The following DPP6 variants were observed in gnomAD, a reference collection of about 807,000 sequenced individuals.
DPP6 encodes dipeptidyl peptidase like 6.
In DPP6, 69 loss-of-function variants were observed where a neutral mutation model predicts 122.6. That is an observed-to-expected ratio of 0.56 (90% CI 0.46 to 0.69). The LOEUF is 0.69. Ranked by LOEUF, DPP6 falls within the 30% of genes least tolerant of loss-of-function variation. DPP6 has a pLI of 0.00. For synonymous variants in DPP6, 418 were observed against 433.1 expected (o/e 0.97, Z 0.43); for missense variants, 928 against 1,116.9 (o/e 0.83, Z 2.41).
chr7:154,544,925 C>T (rs1165974141), intron 4 of DPP6, among the ~76,000 whole-genome samples: 1 of 152,156 alleles, frequency 6.6e-6, no homozygotes, highest in Non-Finnish European at 1.5e-5. Context: ...ATGTGGGCGG[C>T]TGCGTGGGTC....
chr7:154,413,116 T>C lies in DPP6; in HGVS notation c.244-33098T>C, dbSNP rs147307341. Among the ~76,000 whole-genome samples the C allele has an allele frequency of 7.3e-4, 111 of 152,252 alleles. 4 individuals are homozygous for C. The East Asian group carries it at 0.021, about 28-fold the overall frequency. On this transcript the variant is annotated intron_variant, in intron 1 of 25. Transcript: ENST00000377770. ...CCACTGACCTCCAGGCTTAGGAAAG[T>C]GAGAGACACGCTGCCCTAAAGTGGT...
chr7:154,364,545 C>T (rs9648766), intron 1 of DPP6, among the ~76,000 whole-genome samples: 76,688 of 151,600 alleles, frequency 0.51, 22,497 homozygotes, highest in East Asian at 0.72. Flanking sequence ...AGGGCAGGGG[C>T]GGTGGGGTGG....
intron 7 of DPP6, among the ~76,000 whole-genome samples, chr7:154,711,939 T>TACACAC (rs57187871): frequency 0.25 from 15,796 of 63,714 alleles, 918 homozygotes; most frequent in South Asian, 0.36. Context: ...TGTCACTTAA[T>TACACAC]ACACACACAC....
chr7:154,699,723 G>C (rs919497544), intron 7 of DPP6, among the ~76,000 whole-genome samples: 2 of 152,254 alleles, frequency 1.3e-5, no homozygotes, highest in African/African-American at 4.8e-5. Flanking sequence ...GCTGGGCCCA[G>C]AGTGGCCTTG....
At chr7:154,753,120 G>A (rs545646150) in intron 8 of DPP6, among the ~76,000 whole-genome samples, 3 of 152,242 alleles carry the variant, frequency 2.0e-5, no homozygotes, top group South Asian at 4.1e-4. Flanking sequence ...AGACCTTCAC[G>A]CTTGCCTCCT....
At chr7:154,319,240 A>G (rs956845434) in intron 1 of DPP6, among the ~76,000 whole-genome samples, 2 of 99,800 alleles carry the variant, frequency 2.0e-5, no homozygotes, top group Non-Finnish European at 4.8e-5. Context: ...GGATTGAAAT[A>G]AAACTTTTTT....
At chr7:153,988,960 G>T (rs373259754) in intron 1 of DPP6, among the ~76,000 whole-genome samples, 460 of 139,090 alleles carry the variant, frequency 3.3e-3, no homozygotes, top group East Asian at 3.7e-3. Context: ...GTCATTACAC[G>T]GGGATTTCTC....
intron 1 of DPP6, among the ~76,000 whole-genome samples, chr7:154,402,610 A>T (rs112855383): frequency 1.2e-5 from 1 of 82,132 alleles, no homozygotes; most frequent in Non-Finnish European, 2.4e-5. Flanking sequence ...GGTTGGGGGG[A>T]GGGGGGAGGG....
At chr7:154,192,318 A>G (rs1296278552) in intron 1 of DPP6, among the ~76,000 whole-genome samples, 1 of 152,246 alleles carries the variant, frequency 6.6e-6, no homozygotes, top group Non-Finnish European at 1.5e-5. Context: ...CCACCTACAA[A>G]TAACTTCTCC....
chr7:154,891,553 G>T (rs1424359963), intron 25 of DPP6, among the ~76,000 whole-genome samples: 1 of 152,142 alleles, frequency 6.6e-6, no homozygotes, highest in Non-Finnish European at 1.5e-5. Flanking sequence ...AAATCTGTGG[G>T]GTGGGCCCGT....
the DPP6 span, among the ~76,000 whole-genome samples, chr7:153,808,204 AGT>A: frequency 0.32 from 46,081 of 144,450 alleles, 7,165 homozygotes; most frequent in South Asian, 0.36. Context: ...TGTGTGCCTG[AGT>A]GTGTGTGCCT....
At chr7:154,314,758 T>A (rs560094267) in intron 1 of DPP6, among the ~76,000 whole-genome samples, 2 of 152,310 alleles carry the variant, frequency 1.3e-5, no homozygotes, top group Admixed American at 1.3e-4. Context: ...CCTTTTTTTT[T>A]TCCTCCAAAT....
At chr7:154,121,229 G>A (rs898345498) in intron 1 of DPP6, among the ~76,000 whole-genome samples, 1 of 152,246 alleles carries the variant, frequency 6.6e-6, no homozygotes, top group Admixed American at 6.5e-5. Context: ...GGACTAATCC[G>A]GTAATATTCT....
chr7:154,003,792 G>T (rs2533555), intron 1 of DPP6, among the ~76,000 whole-genome samples: 25 of 152,102 alleles, frequency 1.6e-4, no homozygotes, highest in African/African-American at 5.8e-4. Context: ...TCCTGGGACT[G>T]GGAGGCATGG....
In DPP6 at chr7:154,893,968, A is replaced by C. The variant is rs557894245; in HGVS notation, c.*1488A>C. 6.6e-6 allele frequency: 1 copy of C among 152,216 alleles called. No homozygotes were observed. Among genetic ancestry groups the C allele is most frequent in the South Asian group, 2.1e-4 (1 of 4,814 alleles). 9.4% of individuals were successfully genotyped at this position (152,216 alleles called of 1,614,324 possible). A position where few individuals can be genotyped will look rare whatever the true frequency, so the allele number is the denominator to read the frequency against. ...AGCAGAGGAGATGCGTCCCTGTTGC[A>C]TTTTGGCGTTTGGGGCTTTGGGTTT... On this transcript the variant is annotated 3_prime_UTR_variant, in exon 26 of 26. Coordinates refer to ENST00000377770, the MANE Select transcript of DPP6 (RefSeq NM_130797.4).
chr7:154,099,119 C>T (rs191369592), intron 1 of DPP6, among the ~76,000 whole-genome samples: 100 of 152,232 alleles, frequency 6.6e-4, no homozygotes, highest in African/African-American at 2.4e-3. Context: ...TGGAGGTTTG[C>T]TCCATGTAAG....
At chr7:153,838,798 A>G in the DPP6 span, among the ~76,000 whole-genome samples, 119 of 152,344 alleles carry the variant, frequency 7.8e-4, no homozygotes, top group African/African-American at 2.8e-3. Context: ...TTTCCAGCAG[A>G]TGACATTTGC....
intron 1 of DPP6, among the ~76,000 whole-genome samples, chr7:154,098,890 A>G (rs949441118): frequency 6.6e-6 from 1 of 152,264 alleles, no homozygotes; most frequent in Non-Finnish European, 1.5e-5. Flanking sequence ...TAAAACAAGT[A>G]TCTAAACTCA....
At chr7:154,395,016 CATGGACTAGGTAGCCTCTAAACA>C in intron 1 of DPP6, among the ~76,000 whole-genome samples, 1 of 152,258 alleles carries the variant, frequency 6.6e-6, no homozygotes, top group East Asian at 1.9e-4. Flanking sequence ...GACGTAATAC[CATGGACTAGGTAGCCTCTAAACA>C]ACAGACATTT....
Sources: gnomAD v4.1 joint callset for allele counts (sites outside exome capture counted in the v4.1 genomes callset) on GRCh38, gnomAD v4.1.1 for gene constraint, MANE v1.5 for transcripts, NCBI Gene and HGNC (gene_info 2026-07-23, HGNC 2026-07-21) for gene names.